PI4KB: variants seen among roughly 807,000 people sequenced by gnomAD.
PI4KB encodes PtdIns 4-kinase beta.
PI4KB carries 23 observed loss-of-function variants against 81.4 expected under a neutral mutation model. That is an observed-to-expected ratio of 0.28 (90% CI 0.20 to 0.40). The LOEUF (loss-of-function observed/expected upper bound fraction) is 0.40, where lower values mean the gene tolerates loss of function less well. Among genes scored for constraint, PI4KB ranks in the 10% least tolerant of loss-of-function variants. The probability of loss-of-function intolerance (pLI) is 1.00; values close to 1 mark genes in which losing one functional copy is unlikely to be tolerated. For missense variants in PI4KB, 651 were observed against 1,036.6 expected (o/e 0.63, Z 5.11); for synonymous variants, 381 against 406.8 (o/e 0.94, Z 0.76).
At chr1:151,295,667 T>C (rs587652437) in intron 9 of PI4KB, among the ~76,000 whole-genome samples, 27 of 152,374 alleles carry the variant, frequency 1.8e-4, no homozygotes, top group African/African-American at 6.3e-4. Flanking sequence ...CTTCTTTCCA[T>C]TGGTTGATTC....
chr1:151,318,851 TAGA>T (rs1347840114), intron 1 of PI4KB, among the ~76,000 whole-genome samples: 1 of 152,206 alleles, frequency 6.6e-6, no homozygotes, highest in African/African-American at 2.4e-5. Flanking sequence ...AGGCTTCACT[TAGA>T]AGAAGGCAGC....
At chr1:151,302,058 C>T in intron 7 of PI4KB, 91 bp from the exon 8 acceptor site, 1 of 1,595,060 alleles carries the variant, frequency 6.3e-7, no homozygotes, top group Non-Finnish European at 8.6e-7. Flanking sequence ...GCAAACGCCC[C>T]ATAGGGCAAG....
intron 5 of PI4KB, among the ~76,000 whole-genome samples, chr1:151,304,381 T>C (rs1159526124): frequency 6.6e-6 from 1 of 150,600 alleles, no homozygotes; most frequent in Non-Finnish European, 1.5e-5. Flanking sequence ...TTCGCTCTTG[T>C]TGCCCACGCT....
At position 151,292,485 on chromosome 1, in the gene PI4KB, G is replaced by T; in HGVS notation, c.*367C>A. ...TCCCCACTTCCTGGGCCCCAGAACG[G>T]AATAAGAGGATGGCCTGTGGAAAGA... On this transcript the variant is annotated 3_prime_UTR_variant, in exon 12 of 12. Coordinates refer to ENST00000368873, the MANE Select transcript of PI4KB (RefSeq NM_001369623.2). The T allele has an allele frequency of 5.2e-6, 1 of 191,274 alleles. No homozygotes were observed. Among genetic ancestry groups the T allele is most frequent in the Non-Finnish European group, 1.1e-5 (1 of 91,932 alleles). 11.8% of individuals were successfully genotyped at this position (191,274 alleles called of 1,614,324 possible).
At chr1:151,322,923 C>T (rs1237674908) in intron 1 of PI4KB, among the ~76,000 whole-genome samples, 2 of 152,048 alleles carry the variant, frequency 1.3e-5, no homozygotes, top group Non-Finnish European at 2.9e-5. Flanking sequence ...CATGAGCCAC[C>T]ACAACTAGTC....
intron 3 of PI4KB, among the ~76,000 whole-genome samples, chr1:151,308,370 C>G (rs1477658983): frequency 1.3e-5 from 2 of 152,224 alleles, no homozygotes; most frequent in African/African-American, 4.8e-5. Context: ...GTCCGTCCCA[C>G]AATCTCTTAC....
intron 1 of PI4KB, 127 bp from the exon 2 acceptor site, chr1:151,316,636 G>A (rs1311934163): frequency 6.8e-6 from 4 of 586,850 alleles, no homozygotes; most frequent in Non-Finnish European, 8.5e-6. Flanking sequence ...TTGTCTTCCT[G>A]GACTCCTTCA....
intron 1 of PI4KB, chr1:151,324,740 C>T: frequency 1.0e-6 from 1 of 985,288 alleles, no homozygotes; most frequent in Non-Finnish European, 1.2e-6. Context: ...AGCCTGTGCA[C>T]TCACCTCTCT....
At chr1:151,301,707 T>C in intron 8 of PI4KB, 137 bp downstream of exon 8, 2 of 733,920 alleles carry the variant, frequency 2.7e-6, no homozygotes, top group South Asian at 3.6e-5. Flanking sequence ...ATAATTTTTG[T>C]ATTTTTAGTA....
intron 7 of PI4KB, 85 bp downstream of exon 7, chr1:151,302,109 C>T: frequency 1.3e-6 from 2 of 1,545,856 alleles, no homozygotes; most frequent in Non-Finnish European, 1.8e-6. Flanking sequence ...TTTTTGGAGG[C>T]TGATGGACAA....
intron 1 of PI4KB, among the ~76,000 whole-genome samples, chr1:151,325,729 G>A (rs1361703975): frequency 6.6e-6 from 1 of 152,174 alleles, no homozygotes; most frequent in Non-Finnish European, 1.5e-5. Flanking sequence ...CAAGGTGAAG[G>A]AAAATTCTCA....
rs1221817303 is a variant in PI4KB, at chr1:151,298,977, C to T, written c.1846G>A (p.Ala616Thr). ...TTCTTCACCTGATGGATGGACACAG[C>T]ATTGACCACTGGTTCAATCATGCCA... ...DSGMIEPVVNAVSIHQVKKQS... is the reference protein window; with the variant it reads ...DSGMIEPVVNTVSIHQVKKQS... The change falls in exon 9 of 12, where the codon GCT becomes ACT. Residue 616 changes from alanine (A) to threonine (T), a missense_variant. Around this residue, in one of 5 missense-constraint regions of PI4KB, gnomAD observed 246 missense variants for 430.1 expected, o/e 0.57. Transcript: ENST00000368873. The T allele has an allele frequency of 6.2e-7, 1 of 1,614,040 alleles. No homozygotes were observed.
intron 1 of PI4KB, among the ~76,000 whole-genome samples, chr1:151,320,242 C>T (rs1648651841): frequency 6.6e-6 from 1 of 152,114 alleles, no homozygotes; most frequent in Non-Finnish European, 1.5e-5. Flanking sequence ...ACCATGTTAG[C>T]CAGGATGGTC....
At position 151,302,294 on chromosome 1, in the gene PI4KB, G is replaced by A. The variant is rs1435684202; in HGVS notation, c.1525C>T (p.Arg509Cys). ...VFIAAGDIRRRLSEQLAHTPT... is the reference protein window; with the variant it reads ...VFIAAGDIRRCLSEQLAHTPT... ...GTATGAGCCAGCTGTTCCGAAAGGCGCCGGCTGGCAGGAAGAAAATACATC... is the reference window on the plus strand; with the variant it reads ...GTATGAGCCAGCTGTTCCGAAAGGCACCGGCTGGCAGGAAGAAAATACATC... Residue 509 changes from arginine to cysteine, a missense_variant, in exon 7 of 12, where the codon CGC (arginine) becomes TGC (cysteine). Physicochemically the swap from Arg to Cys is radical, Grantham distance 180. Coordinates refer to ENST00000368873, the MANE Select transcript of PI4KB (RefSeq NM_001369623.2). 1.2e-6 allele frequency: 2 copies of A among 1,613,050 alleles called. No individual in the cohort carries two copies. Among genetic ancestry groups the A allele is most frequent in the Non-Finnish European group, 8.5e-7 (1 of 1,179,032 alleles).
rs2864115 is a variant in PI4KB, at chr1:151,292,037, A to G, written c.*815T>C. ...GCAGGGAAAAAGCAAACTTCTATGT[A>G]GTGCCTTTTGTATCTTGGACACTGA... is the stretch of plus-strand genomic sequence containing the variant. On this transcript the variant is annotated 3_prime_UTR_variant, in exon 12 of 12. Transcript: ENST00000368873. 148,586 of 152,222 alleles carry G rather than the reference A, an allele frequency of 0.98. 72,641 individuals carry two copies. Among genetic ancestry groups the G allele is most frequent in the East Asian group, 1 (5,176 of 5,176 alleles). The allele number at this position is 152,222 out of a possible 1,614,324, so 9.4% of individuals were successfully genotyped here.
At chr1:151,324,744 C>T (rs1291561078) in intron 1 of PI4KB, 23 of 985,250 alleles carry the variant, frequency 2.3e-5, no homozygotes, top group Non-Finnish European at 2.8e-5. Flanking sequence ...TGTGCACTCA[C>T]CTCTCTCTGA....
intron 1 of PI4KB, chr1:151,325,013 A>T: frequency 2.1e-6 from 1 of 469,776 alleles, no homozygotes; most frequent in Non-Finnish European, 2.8e-6. Flanking sequence ...TTTTCCTGAG[A>T]CAGAGTTTCA....
rs1435098260 is a variant in PI4KB at position 151,315,634 on chromosome 1, A to C, written c.848T>G (p.Ile283Arg). 1 of 1,613,988 alleles carries C rather than the reference A, an allele frequency of 6.2e-7. No individual in the cohort carries two copies. The highest frequency in any genetic ancestry group is 1.3e-5 in the African/African-American group (1 of 74,904). Residue 283 changes from isoleucine (I) to arginine (R), a missense_variant, in exon 2 of 12, where the codon ATA becomes AGA. Physicochemically the swap from Ile to Arg is moderately conservative, Grantham distance 97. Around this residue, in one of 5 missense-constraint regions of PI4KB, gnomAD observed 314 missense variants for 397.8 expected, o/e 0.79. Coordinates refer to ENST00000368873, the MANE Select transcript of PI4KB (RefSeq NM_001369623.2). ...QRSKSDATAS[I>R]SLSSNLKRTA... ...TCGTTTCAGGTTGCTGCTGAGACTT[A>C]TGCTGGCAGTGGCATCTGACTTAGA...
intron 2 of PI4KB, among the ~76,000 whole-genome samples, chr1:151,310,830 C>T (rs1696158755): frequency 6.6e-6 from 1 of 152,148 alleles, no homozygotes; most frequent in African/African-American, 2.4e-5. Flanking sequence ...GAATCCCAAC[C>T]TTGAACCTCT....
Sources: gnomAD v4.1 joint callset for allele counts (sites outside exome capture counted in the v4.1 genomes callset) on GRCh38, gnomAD v4.1.1 for gene constraint, gnomAD v4.1.1 regional missense constraint, MANE v1.5 for transcripts, NCBI Gene and HGNC (gene_info 2026-07-23, HGNC 2026-07-21) for gene names.